The following CHRM3 variants were observed in gnomAD, a reference collection of about 807,000 sequenced individuals.
The protein encoded by CHRM3 is muscarinic acetylcholine receptor M3.
CHRM3 carries 11 observed loss-of-function variants against 41.8 expected under a neutral mutation model. The observed-to-expected ratio is 0.26, with a 90% CI of 0.17 to 0.44. The LOEUF is 0.44. Ranked by LOEUF, CHRM3 falls within the 20% of genes least tolerant of loss-of-function variation. CHRM3 has a pLI of 1.00. For synonymous variants in CHRM3, 297 were observed against 301.4 expected (o/e 0.99, Z 0.15); for missense variants, 571 against 745.4 (o/e 0.77, Z 2.72).
At chr1:239,446,159 T>A (rs544170339) in intron 1 of CHRM3, among the ~76,000 whole-genome samples, 50 of 152,142 alleles carry the variant, frequency 3.3e-4, no homozygotes, top group South Asian at 8.3e-4. Flanking sequence ...ATGGTCTTGA[T>A]CTCCTGACCT....
At chr1:239,577,129 C>T (rs551305557) in intron 3 of CHRM3, among the ~76,000 whole-genome samples, 23 of 152,258 alleles carry the variant, frequency 1.5e-4, no homozygotes, top group African/African-American at 5.3e-4. Context: ...AATCCAGAAG[C>T]TTCTAATAGA....
chr1:239,561,316 G>A (rs968604995), intron 3 of CHRM3, among the ~76,000 whole-genome samples: 26 of 152,050 alleles, frequency 1.7e-4, no homozygotes, highest in Non-Finnish European at 3.2e-4. Context: ...TGTGGCTTGC[G>A]GAGCCCTGTA....
intron 5 of CHRM3, among the ~76,000 whole-genome samples, chr1:239,720,420 A>G (rs1662849193): frequency 6.6e-6 from 1 of 151,974 alleles, no homozygotes; most frequent in Non-Finnish European, 1.5e-5. Flanking sequence ...AAAAAAACCT[A>G]AATTAAAGTA....
intron 4 of CHRM3, among the ~76,000 whole-genome samples, chr1:239,665,083 T>C (rs960611151): frequency 2.0e-5 from 3 of 151,668 alleles, no homozygotes; most frequent in African/African-American, 4.8e-5. Flanking sequence ...CTATATTCAC[T>C]TTTCTCCATC....
intron 6 of CHRM3, among the ~76,000 whole-genome samples, chr1:239,867,962 G>A (rs986839757): frequency 4.3e-4 from 65 of 152,270 alleles, no homozygotes; most frequent in Admixed American, 1.1e-3. Flanking sequence ...CTTCGGAGGA[G>A]CCTGCCCTCA....
intron 1 of CHRM3, among the ~76,000 whole-genome samples, chr1:239,461,291 A>T (rs572061330): frequency 6.6e-6 from 1 of 152,190 alleles, no homozygotes; most frequent in Non-Finnish European, 1.5e-5. Context: ...AGGCATTATA[A>T]CTTAGAAATC....
chr1:239,853,257 AAT>A (rs1213118252), intron 6 of CHRM3, among the ~76,000 whole-genome samples: 2 of 151,934 alleles, frequency 1.3e-5, no homozygotes, highest in African/African-American at 4.8e-5. Flanking sequence ...GTAGTTTTTA[AAT>A]ATGTGAAGAG....
intron 6 of CHRM3, among the ~76,000 whole-genome samples, chr1:239,875,112 T>C (rs1389922550): frequency 6.6e-6 from 1 of 152,198 alleles, no homozygotes; most frequent in Non-Finnish European, 1.5e-5. Flanking sequence ...ATTCAGTCAT[T>C]TGACAAATGT....
chr1:239,752,545 G>T (rs1414067305), intron 5 of CHRM3, among the ~76,000 whole-genome samples: 3 of 152,048 alleles, frequency 2.0e-5, no homozygotes, highest in African/African-American at 7.2e-5. Context: ...CATAATATTA[G>T]CTTGTTAGCA....
At chr1:239,864,552 A>G (rs12097486) in intron 6 of CHRM3, among the ~76,000 whole-genome samples, 9 of 144,140 alleles carry the variant, frequency 6.2e-5, no homozygotes, top group African/African-American at 2.6e-4. Flanking sequence ...ACACGCACAC[A>G]CACACACATA....
intron 3 of CHRM3, among the ~76,000 whole-genome samples, chr1:239,549,304 T>TTA (rs1302333638): frequency 6.6e-6 from 1 of 152,040 alleles, no homozygotes; most frequent in Non-Finnish European, 1.5e-5. Context: ...TTTATGGTCA[T>TTA]TATATATATT....
intron 5 of CHRM3, among the ~76,000 whole-genome samples, chr1:239,680,725 T>C (rs867481844): frequency 9.5e-4 from 144 of 151,030 alleles, no homozygotes; most frequent in African/African-American, 3.5e-3. Flanking sequence ...TGTGTGTGTG[T>C]GTGGTTGGAG....
chr1:239,730,866 C>T (rs1663904257), intron 5 of CHRM3, among the ~76,000 whole-genome samples: 1 of 151,870 alleles, frequency 6.6e-6, no homozygotes, highest in African/African-American at 2.4e-5. Context: ...TAATTTAGGA[C>T]TCTACTGCAA....
At chr1:239,761,990 G>A (rs1442651941) in intron 5 of CHRM3, among the ~76,000 whole-genome samples, 2 of 152,042 alleles carry the variant, frequency 1.3e-5, no homozygotes, top group African/African-American at 2.4e-5. Context: ...CTCTCTCCCG[G>A]GAGTAGACTG....
intron 5 of CHRM3, among the ~76,000 whole-genome samples, chr1:239,735,704 C>G (rs1477903632): frequency 6.6e-6 from 1 of 152,024 alleles, no homozygotes; most frequent in African/African-American, 2.4e-5. Context: ...GATTTTGGTT[C>G]AATTAGTTTT....
chr1:239,793,431 A>C (rs1187869182), intron 5 of CHRM3, among the ~76,000 whole-genome samples: 1 of 152,214 alleles, frequency 6.6e-6, no homozygotes, highest in East Asian at 1.9e-4. Context: ...CCACACTTCT[A>C]GAAAAGAGTG....
chr1:239,481,354 CTTTA>C (rs1289809546), intron 1 of CHRM3, among the ~76,000 whole-genome samples: 5 of 152,186 alleles, frequency 3.3e-5, no homozygotes, highest in East Asian at 3.9e-4. Flanking sequence ...TTTTACTGCA[CTTTA>C]TTTATTTTTT....
intron 6 of CHRM3, among the ~76,000 whole-genome samples, chr1:239,841,414 G>A (rs1572458061): frequency 6.6e-6 from 1 of 152,240 alleles, no homozygotes; most frequent in African/African-American, 2.4e-5. Context: ...GGGATTGACT[G>A]TAGAGTTTCA....
chr1:239,906,802 A>G (rs1196868243), intron 6 of CHRM3, among the ~76,000 whole-genome samples: 1 of 152,226 alleles, frequency 6.6e-6, no homozygotes, highest in East Asian at 1.9e-4. Flanking sequence ...GTTATCAAGT[A>G]GAAGATAGCT....
Sources: gnomAD v4.1 joint callset for allele counts (sites outside exome capture counted in the v4.1 genomes callset) on GRCh38, gnomAD v4.1.1 for gene constraint, MANE v1.5 for transcripts, NCBI Gene and HGNC (gene_info 2026-07-23, HGNC 2026-07-21) for gene names.